Variants in CHIC2 observed in about 807,000 individuals in gnomAD.
The protein encoded by CHIC2 is cysteine rich hydrophobic domain 2.
In CHIC2, 14 loss-of-function variants were observed where a neutral mutation model predicts 25.9. That is an observed-to-expected ratio of 0.54 (90% CI 0.36 to 0.85). The LOEUF (loss-of-function observed/expected upper bound fraction) is 0.85. Among genes scored for constraint, CHIC2 ranks in the 40% least tolerant of loss-of-function variants. The pLI is 0.01. For missense variants in CHIC2, 146 were observed against 202.0 expected, an observed-to-expected ratio of 0.72 and a Z score of 1.68; for synonymous variants, 70 against 72.0, an observed-to-expected ratio of 0.97 and a Z score of 0.14.
rs573683167 is a variant in CHIC2, at chr4:54,016,170, T to G, written c.331-2051A>C. ...CAGAACAAGTTTTCCAAGCCCACTG[T>G]TTTATATTAATGTATAAAATAGTAC... On this transcript the variant is annotated intron_variant, in intron 3 of 5. Transcript: ENST00000263921. Among the ~76,000 whole-genome samples, 19 of 152,274 alleles carry G rather than the reference T, an allele frequency of 1.2e-4. No homozygotes were observed. In the South Asian group the frequency reaches 3.3e-3, roughly 27 times the overall value.
upstream of CHIC2, among the ~76,000 whole-genome samples, chr4:54,068,886 A>G: frequency 6.6e-6 from 1 of 152,188 alleles, no homozygotes; most frequent in Non-Finnish European, 1.5e-5. Flanking sequence ...CCAGCTATAA[A>G]TTGGGGTTCC....
chr4:54,028,244 T>C (rs1210697491), intron 3 of CHIC2, among the ~76,000 whole-genome samples: 2 of 151,772 alleles, frequency 1.3e-5, no homozygotes, highest in African/African-American at 4.9e-5. Flanking sequence ...ATGAAATCTT[T>C]TAAATTCCTT....
At chr4:54,091,523 C>G in the CHIC2 span, among the ~76,000 whole-genome samples, 1 of 152,200 alleles carries the variant, frequency 6.6e-6, no homozygotes, top group Non-Finnish European at 1.5e-5. Context: ...CACACCCATG[C>G]TCCCAAACAC....
intron 3 of CHIC2, among the ~76,000 whole-genome samples, chr4:54,037,524 A>G (rs537878062): frequency 4.5e-4 from 69 of 152,308 alleles, no homozygotes; most frequent in Admixed American, 4.5e-3. Flanking sequence ...ATCTTGATGC[A>G]CACAAGTGTA....
At chr4:54,036,054 A>T (rs545110044) in intron 3 of CHIC2, among the ~76,000 whole-genome samples, 1 of 152,348 alleles carries the variant, frequency 6.6e-6, no homozygotes, top group Admixed American at 6.5e-5. Flanking sequence ...TTGTGGTCAG[A>T]TAACCCACTT....
At chr4:54,034,607 A>G (rs969410813) in intron 3 of CHIC2, among the ~76,000 whole-genome samples, 3 of 151,692 alleles carry the variant, frequency 2.0e-5, no homozygotes, top group East Asian at 1.9e-4. Context: ...TTTTTTGTTG[A>G]TAGGGTATAG....
At chr4:54,043,420 CAAAAAAAA>C (rs902677237) in intron 3 of CHIC2, among the ~76,000 whole-genome samples, 19 of 55,862 alleles carry the variant, frequency 3.4e-4, no homozygotes, top group South Asian at 1.9e-3. Context: ...GACTCCATTT[CAAAAAAAA>C]AAAAAAAAAA....
chr4:54,046,228 C>A (rs778157258), intron 3 of CHIC2, among the ~76,000 whole-genome samples: 9 of 152,182 alleles, frequency 5.9e-5, no homozygotes, highest in South Asian at 4.1e-4. Flanking sequence ...ACACTGCCCA[C>A]GGTAATTTAT....
intron 3 of CHIC2, among the ~76,000 whole-genome samples, chr4:54,041,842 ACAC>A (rs1224429827): frequency 1.3e-5 from 2 of 152,028 alleles, no homozygotes; most frequent in African/African-American, 4.8e-5. Flanking sequence ...GGGGAACATC[ACAC>A]ACTGGGACCT....
chr4:54,053,061 TAA>T (rs146240736), intron 1 of CHIC2, among the ~76,000 whole-genome samples: 4 of 152,276 alleles, frequency 2.6e-5, no homozygotes, highest in African/African-American at 9.6e-5. Context: ...CCATTGAACA[TAA>T]ACTTATTTAC....
At chr4:54,018,777 T>C (rs1715815068) in intron 3 of CHIC2, among the ~76,000 whole-genome samples, 1 of 152,074 alleles carries the variant, frequency 6.6e-6, no homozygotes, top group Non-Finnish European at 1.5e-5. Flanking sequence ...AATAACTATT[T>C]ATAAAAGTTC....
chr4:54,017,703 C>T (rs1313696806), intron 3 of CHIC2, among the ~76,000 whole-genome samples: 1 of 152,120 alleles, frequency 6.6e-6, no homozygotes, highest in Non-Finnish European at 1.5e-5. Context: ...GCAGGAAAAA[C>T]AACTTTTTTG....
At chr4:54,074,186 C>G in the CHIC2 span, among the ~76,000 whole-genome samples, 1 of 151,512 alleles carries the variant, frequency 6.6e-6, no homozygotes, top group Non-Finnish European at 1.5e-5. Flanking sequence ...GTTTTTTTCT[C>G]TTCTGTGTCT....
chr4:54,075,879 A>G, the CHIC2 span, among the ~76,000 whole-genome samples: 2 of 152,182 alleles, frequency 1.3e-5, no homozygotes, highest in Admixed American at 1.3e-4. Flanking sequence ...ACTGCTTAAT[A>G]TTTTATAAAA....
intron 1 of CHIC2, among the ~76,000 whole-genome samples, chr4:54,050,898 A>C (rs939123474): frequency 6.6e-6 from 1 of 151,834 alleles, no homozygotes; most frequent in Non-Finnish European, 1.5e-5. Flanking sequence ...ACTTTAACCA[A>C]AAACCCTGTT....
chr4:54,038,287 A>G (rs944865929), intron 3 of CHIC2, among the ~76,000 whole-genome samples: 3 of 152,218 alleles, frequency 2.0e-5, no homozygotes, highest in African/African-American at 7.2e-5. Context: ...GAAGGACATG[A>G]CGTTAATATG....
chr4:54,032,707 T>C (rs1200462642), intron 3 of CHIC2, among the ~76,000 whole-genome samples: 1 of 151,874 alleles, frequency 6.6e-6, no homozygotes, highest in Admixed American at 6.6e-5. Flanking sequence ...CCCAAAATTA[T>C]AGTCAATCCA....
At chr4:54,091,857 C>G in the CHIC2 span, among the ~76,000 whole-genome samples, 2 of 152,140 alleles carry the variant, frequency 1.3e-5, no homozygotes, top group East Asian at 3.9e-4. Context: ...GCTCTTTACA[C>G]GAGCTTGCGC....
chr4:54,038,452 A>G (rs1284629375), intron 3 of CHIC2, among the ~76,000 whole-genome samples: 1 of 152,138 alleles, frequency 6.6e-6, no homozygotes, highest in East Asian at 1.9e-4. Flanking sequence ...AAAAAACTAC[A>G]AAGCTCTAAC....
Sources: allele counts gnomAD v4.1 joint callset (sites outside exome capture counted in the v4.1 genomes callset), GRCh38; gene constraint gnomAD v4.1.1; transcripts MANE v1.5; gene names NCBI Gene and HGNC (gene_info 2026-07-23, HGNC 2026-07-21).